The following PPP2R2B variants were observed in gnomAD, a reference collection of about 807,000 sequenced individuals.
PPP2R2B encodes the protein serine/threonine-protein phosphatase 2A 55 kDa regulatory subunit B beta isoform.
Under a neutral mutation model 46.0 loss-of-function variants are expected in PPP2R2B, and 5 were observed. That is an observed-to-expected ratio of 0.11 (90% CI 0.06 to 0.23). The LOEUF (loss-of-function observed/expected upper bound fraction) is 0.23. PPP2R2B is among the 10% of genes least tolerant of loss of function. PPP2R2B has a pLI of 1.00. For missense variants in PPP2R2B, 367 were observed against 575.0 expected (o/e 0.64, Z 3.70); for synonymous variants, 215 against 206.7 (o/e 1.04, Z -0.34).
intron 2 of PPP2R2B, among the ~76,000 whole-genome samples, chr5:146,784,405 A>T (rs1755716095): frequency 6.6e-6 from 1 of 152,198 alleles, no homozygotes; most frequent in Non-Finnish European, 1.5e-5. Context: ...TGATGAAGAA[A>T]TATATTGGCA....
intron 1 of PPP2R2B, among the ~76,000 whole-genome samples, chr5:146,981,525 A>AT (rs1318251840): frequency 6.6e-6 from 1 of 152,004 alleles, no homozygotes; most frequent in Non-Finnish European, 1.5e-5. Flanking sequence ...TTAATTAAAT[A>AT]TTTTTTCCTT....
chr5:146,931,679 G>A (rs552333450), intron 1 of PPP2R2B, among the ~76,000 whole-genome samples: 3 of 152,118 alleles, frequency 2.0e-5, no homozygotes, highest in Non-Finnish European at 4.4e-5. Flanking sequence ...AAAACCTGGG[G>A]ATAAGTTGGG....
At chr5:147,072,250 T>A (rs2151911532) in intron 2 of PPP2R2B, among the ~76,000 whole-genome samples, 1 of 152,364 alleles carries the variant, frequency 6.6e-6, no homozygotes, top group African/African-American at 2.4e-5. Context: ...TTATGTCCTA[T>A]GGGTTATAAG....
chr5:146,896,414 C>T (rs1296126952), intron 1 of PPP2R2B, among the ~76,000 whole-genome samples: 1 of 152,188 alleles, frequency 6.6e-6, no homozygotes, highest in Non-Finnish European at 1.5e-5. Flanking sequence ...TGTTACTTGA[C>T]TCTACTCAAT....
At chr5:146,843,122 G>T (rs1759767624) in intron 2 of PPP2R2B, among the ~76,000 whole-genome samples, 1 of 152,268 alleles carries the variant, frequency 6.6e-6, no homozygotes, top group African/African-American at 2.4e-5. Context: ...GGGAGGCGGA[G>T]GTTGCGGTGA....
chr5:146,829,212 C>T (rs1336631562), intron 2 of PPP2R2B, among the ~76,000 whole-genome samples: 1 of 152,080 alleles, frequency 6.6e-6, no homozygotes, highest in Non-Finnish European at 1.5e-5. Context: ...GGCCAAAGAA[C>T]ACCAACTCTT....
intron 7 of PPP2R2B, among the ~76,000 whole-genome samples, chr5:146,627,157 CTGTG>C: frequency 1.3e-5 from 2 of 152,214 alleles, no homozygotes; most frequent in South Asian, 2.1e-4. Flanking sequence ...AAGTGTGTGT[CTGTG>C]TGTGTGTTTG....
At chr5:146,707,511 CA>C (rs1221175725) in intron 2 of PPP2R2B, 1 of 734,134 alleles carries the variant, frequency 1.4e-6, no homozygotes, top group Non-Finnish European at 2.5e-6. Context: ...CTGATGCAGA[CA>C]CCAGGCCCAC....
chr5:146,952,145 A>G (rs985817450), intron 1 of PPP2R2B, among the ~76,000 whole-genome samples: 4 of 152,038 alleles, frequency 2.6e-5, no homozygotes, highest in East Asian at 1.9e-4. Flanking sequence ...ATGATCTTCA[A>G]TATCTTCCCA....
In PPP2R2B at chr5:146,886,200, G is replaced by T. The variant is rs319200; in HGVS notation, c.79+169465C>A. On this transcript the variant is annotated intron_variant, in intron 1 of 8. Transcript: ENST00000336640. ...AAAAATACAAAAAAATTAGCCGGGC[G>T]TGGTGGCGGGCCCCTGTAGTCCCAG... is the stretch of plus-strand genomic sequence containing the variant. 1.5e-4 allele frequency among the ~76,000 whole-genome samples: 23 copies of T among 151,462 alleles called. No homozygotes were observed. The East Asian group carries it at 3.3e-3, about 22-fold the overall frequency.
chr5:146,940,577 A>G, intron 1 of PPP2R2B, among the ~76,000 whole-genome samples: 1 of 151,408 alleles, frequency 6.6e-6, no homozygotes, highest in East Asian at 1.9e-4. Flanking sequence ...ACAGTGACAC[A>G]TATTTAATGA....
In PPP2R2B at chr5:146,839,250, G is replaced by A. The variant is rs149616950; in HGVS notation, c.70+38752C>T. On this transcript the variant is annotated intron_variant, in intron 2 of 9. Transcript: ENST00000394411. ...TAAAATGTATATGTGGCCGGGTGCA[G>A]TGGCTCCTACCTGTAACCCCAGCAC... Among the ~76,000 whole-genome samples, 1,050 of 152,330 alleles carry A rather than the reference G, an allele frequency of 6.9e-3. 17 individuals are homozygous for A. Among genetic ancestry groups the A allele is most frequent in the Admixed American group, 0.024 (368 of 15,300 alleles).
intron 2 of PPP2R2B, among the ~76,000 whole-genome samples, chr5:146,842,361 A>G (rs1445304507): frequency 1.4e-5 from 2 of 147,784 alleles, no homozygotes; most frequent in African/African-American, 4.9e-5. Flanking sequence ...ATAAGAGCCT[A>G]TATTCTAAAT....
chr5:146,972,794 C>T (rs898882790), intron 1 of PPP2R2B, among the ~76,000 whole-genome samples: 2 of 152,106 alleles, frequency 1.3e-5, no homozygotes, highest in African/African-American at 4.8e-5. Flanking sequence ...GATATCTTTT[C>T]ATAAGCTTAA....
At chr5:146,995,249 G>A (rs577635974) in intron 1 of PPP2R2B, among the ~76,000 whole-genome samples, 1 of 152,162 alleles carries the variant, frequency 6.6e-6, no homozygotes, top group African/African-American at 2.4e-5. Context: ...TTCATATTAA[G>A]ATTAAATAGG....
At chr5:146,957,182 T>C (rs1195664875) in intron 1 of PPP2R2B, among the ~76,000 whole-genome samples, 1 of 152,198 alleles carries the variant, frequency 6.6e-6, no homozygotes, top group Non-Finnish European at 1.5e-5. Context: ...GCTGTGAGCT[T>C]CAAAATGGAG....
intron 1 of PPP2R2B, among the ~76,000 whole-genome samples, chr5:146,952,965 A>G (rs1751693119): frequency 6.6e-6 from 1 of 152,210 alleles, no homozygotes. Context: ...GTTTAGGCAG[A>G]TAGCTGCAAA....
chr5:146,817,066 C>T (rs973511135), intron 2 of PPP2R2B, among the ~76,000 whole-genome samples: 10 of 152,164 alleles, frequency 6.6e-5, no homozygotes, highest in African/African-American at 2.4e-4. Flanking sequence ...ACTCCCCTCC[C>T]TGTATGCAGG....
At chr5:146,848,676 G>A (rs935015689) in intron 2 of PPP2R2B, among the ~76,000 whole-genome samples, 8 of 151,646 alleles carry the variant, frequency 5.3e-5, no homozygotes, top group Admixed American at 1.3e-4. Flanking sequence ...TGTTTGTCAG[G>A]TTTCTCCACT....
Sources: gnomAD v4.1 joint callset for allele counts (sites outside exome capture counted in the v4.1 genomes callset) on GRCh38, gnomAD v4.1.1 for gene constraint, MANE v1.5 for transcripts, NCBI Gene and HGNC (gene_info 2026-07-23, HGNC 2026-07-21) for gene names.